SHROOM4: variants seen among roughly 807,000 people sequenced by gnomAD.
SHROOM4 encodes shroom family member 4.
Under a neutral mutation model 80.3 loss-of-function variants are expected in SHROOM4, and 17 were observed. The ratio of observed to expected loss-of-function variants is 0.21; its 90% confidence interval spans 0.14 to 0.32. The LOEUF (loss-of-function observed/expected upper bound fraction) is 0.32. Among genes scored for constraint, SHROOM4 ranks in the 10% least tolerant of loss-of-function variants. The probability of loss-of-function intolerance (pLI) is 1.00; values close to 1 mark genes in which losing one functional copy is unlikely to be tolerated. For missense variants in SHROOM4, 993 were observed against 1,140.3 expected, an observed-to-expected ratio of 0.87 and a Z score of 1.86; for synonymous variants, 400 against 437.5, an observed-to-expected ratio of 0.91 and a Z score of 1.07.
chrX:50,692,227 A>G (rs1933239770), intron 2 of SHROOM4, among the ~76,000 whole-genome samples: 2 of 111,972 alleles, frequency 1.8e-5, no homozygotes, highest in Admixed American at 9.4e-5. Flanking sequence ...CACTCTAGAT[A>G]GTGTTCACAC....
chrX:50,796,195 A>G (rs1472023723), intron 1 of SHROOM4, among the ~76,000 whole-genome samples: 2 of 112,066 alleles, frequency 1.8e-5, no homozygotes, highest in Admixed American at 9.5e-5. Context: ...TTCTCCATCA[A>G]TGGAAGCATT....
intron 5 of SHROOM4, among the ~76,000 whole-genome samples, chrX:50,626,657 C>T (rs1176561379): frequency 8.9e-6 from 1 of 111,884 alleles, no homozygotes; most frequent in Admixed American, 9.5e-5. Context: ...TTCAATTGCG[C>T]AATCAAGTTT....
chrX:50,580,537 C>T, the SHROOM4 span, among the ~76,000 whole-genome samples: 10 of 112,252 alleles, frequency 8.9e-5, no homozygotes, highest in East Asian at 2.5e-3. Context: ...AACAGCCTCA[C>T]TTGTTTTCTT....
intron 2 of SHROOM4, among the ~76,000 whole-genome samples, chrX:50,652,050 C>T (rs1455201036): frequency 1.8e-5 from 2 of 111,962 alleles, no homozygotes; most frequent in Admixed American, 9.5e-5. Flanking sequence ...CATACGTGTA[C>T]ATGTGTCTTT....
chrX:50,607,752 T>TTGCTTCTGCTGCTGCTGTTGC lies in SHROOM4; in HGVS notation c.3369_3389dup (p.Gln1125_Gln1131dup), dbSNP rs782521179. 7.8e-6 allele frequency: 9 copies of TTGCTTCTGCTGCTGCTGTTGC among 1,157,527 alleles called. No individual in the cohort carries two copies. In the Admixed American group the frequency reaches 2.1e-4, roughly 27 times the overall value. ...CTTCCTCCTCCTCCTCCTCCTCCTG[T>TTGCTTCTGCTGCTGCTGTTGC]TGCTTCTGCTGCTGCTGTTGCTGCT... On this transcript the variant is annotated inframe_insertion, in exon 6 of 9. Coordinates refer to ENST00000376020, the MANE Select transcript of SHROOM4 (RefSeq NM_020717.5).
In SHROOM4 at chrX:50,633,210, T is replaced by A. The variant is rs781875514; in HGVS notation, c.2863A>T (p.Asn955Tyr). 1 of 1,209,621 alleles carries A rather than the reference T, an allele frequency of 8.3e-7. No individual in the cohort carries two copies. The highest frequency in any genetic ancestry group is 1.1e-6 in the Non-Finnish European group (1 of 895,121). Residue 955 changes from asparagine (N) to tyrosine (Y), a missense_variant, in exon 4 of 9, where the codon AAC becomes TAC. Coordinates refer to ENST00000376020, the MANE Select transcript of SHROOM4 (RefSeq NM_020717.5). ...ALEDSSLAPG[N>Y]TWKPRKLTVQ... is the part of the protein sequence containing the mutation. ...GTCAGCTTCCTGGGTTTCCAAGTGT[T>A]GCCAGGTGCCAAGCTGCTGTCCTCG... is the stretch of plus-strand genomic sequence containing the variant.
chrX:50,743,388 T>A (rs952722391), intron 1 of SHROOM4, among the ~76,000 whole-genome samples: 3 of 111,432 alleles, frequency 2.7e-5, no homozygotes, highest in Non-Finnish European at 5.6e-5. Context: ...CAATTACCTT[T>A]ACCAGGGCTC....
intron 1 of SHROOM4, among the ~76,000 whole-genome samples, chrX:50,737,099 A>G (rs1934512669): frequency 8.9e-6 from 1 of 111,948 alleles, no homozygotes; most frequent in African/African-American, 3.2e-5. Context: ...ATGGAACTAT[A>G]TAAAAGTAAA....
intron 2 of SHROOM4, among the ~76,000 whole-genome samples, chrX:50,661,776 T>C (rs1463325847): frequency 8.9e-6 from 1 of 112,002 alleles, no homozygotes; most frequent in African/African-American, 3.2e-5. Context: ...TTTGGGCATG[T>C]TGGATTGTAA....
At chrX:50,783,955 C>T (rs1265247634) in intron 1 of SHROOM4, among the ~76,000 whole-genome samples, 6 of 112,216 alleles carry the variant, frequency 5.3e-5, no homozygotes, top group Middle Eastern at 4.7e-3. Context: ...AGGACTTATA[C>T]GACTTGATTT....
At chrX:50,725,181 G>A (rs2147526443) in intron 1 of SHROOM4, among the ~76,000 whole-genome samples, 1 of 111,957 alleles carries the variant, frequency 8.9e-6, no homozygotes, top group East Asian at 2.8e-4. Flanking sequence ...CCCAGGCTAA[G>A]GTTATTCTAG....
chrX:50,766,134 C>T (rs1935270256), intron 1 of SHROOM4, among the ~76,000 whole-genome samples: 1 of 111,416 alleles, frequency 9.0e-6, no homozygotes, highest in African/African-American at 3.3e-5. Context: ...ACCATCTGAA[C>T]CCTTAAATGT....
At chrX:50,813,861 C>A (rs782760985) in intron 1 of SHROOM4, 41 bp downstream of exon 1, 32 of 1,058,297 alleles carry the variant, frequency 3.0e-5, no homozygotes, top group Non-Finnish European at 3.8e-5. Context: ...CTTGTCCATT[C>A]AAAGTTAGGC....
rs782533212 is a variant in SHROOM4 at position 50,717,745 on chromosome X, G to C, written c.118-21808C>G. ...CAGCAGTCTTCAATTACTCACATTA[G>C]GGCAGCAGTTTTCACCCCAAATCTC... On this transcript the variant is annotated intron_variant, in intron 1 of 8. Coordinates refer to ENST00000376020, the MANE Select transcript of SHROOM4 (RefSeq NM_020717.5). Among the ~76,000 whole-genome samples the C allele has an allele frequency of 5.4e-5, 6 of 111,712 alleles. No individual in the cohort carries two copies. The South Asian group carries it at 1.5e-3, about 28-fold the overall frequency.
intron 2 of SHROOM4, among the ~76,000 whole-genome samples, chrX:50,639,516 C>A (rs1266386889): frequency 9.0e-6 from 1 of 111,559 alleles, no homozygotes; most frequent in African/African-American, 3.3e-5. Context: ...CAGAAGTAAA[C>A]AGAAAAATTA....
At chrX:50,662,058 G>A (rs1557260014) in intron 2 of SHROOM4, among the ~76,000 whole-genome samples, 2 of 110,770 alleles carry the variant, frequency 1.8e-5, no homozygotes, top group African/African-American at 3.3e-5. Context: ...TGGAGACAGG[G>A]GAGGAGCAGT....
rs782612268 is a variant in SHROOM4, at chrX:50,601,108, C to T, written c.3942+1525G>A. ...GATGGATAGAGTTGTGGAGTCATCACAGATCCAGCCAGAGCTGAGTTGCTT... is the reference window on the plus strand; with the variant it reads ...GATGGATAGAGTTGTGGAGTCATCATAGATCCAGCCAGAGCTGAGTTGCTT... On this transcript the variant is annotated intron_variant, in intron 7 of 8. Coordinates refer to ENST00000376020, the MANE Select transcript of SHROOM4 (RefSeq NM_020717.5). 3.5e-3 allele frequency among the ~76,000 whole-genome samples: 395 copies of T among 112,283 alleles called. 4 individuals are homozygous for T. Among genetic ancestry groups the T allele is most frequent in the African/African-American group, 0.012 (367 of 30,941 alleles).
chrX:50,740,075 C>T lies in SHROOM4; in HGVS notation c.118-44138G>A, dbSNP rs1190712535. Among the ~76,000 whole-genome samples, 36 of 68,140 alleles carry T rather than the reference C, an allele frequency of 5.3e-4. No individual in the cohort carries two copies. In the South Asian group the frequency reaches 0.034, roughly 64 times the overall value. The allele number at this position is 68,140 out of a possible 115,157, so 59.2% of individuals were successfully genotyped here. A position where few individuals can be genotyped will look rare whatever the true frequency, so the allele number is the denominator to read the frequency against. ...GAAACCTTCATTCTCAGCAAACTAT[C>T]GCAAGGACAAAAAACCAAACACCGC... On this transcript the variant is annotated intron_variant, in intron 1 of 8. Transcript: ENST00000376020.
intron 5 of SHROOM4, among the ~76,000 whole-genome samples, chrX:50,614,959 T>C (rs1557250510): frequency 8.9e-6 from 1 of 112,176 alleles, no homozygotes; most frequent in Non-Finnish European, 1.9e-5. Context: ...ATAGAAAAGA[T>C]ATGCAATATG....
Sources: gnomAD v4.1 joint callset for allele counts (sites outside exome capture counted in the v4.1 genomes callset) on GRCh38, gnomAD v4.1.1 for gene constraint, MANE v1.5 for transcripts, NCBI Gene and HGNC (gene_info 2026-07-23, HGNC 2026-07-21) for gene names.